The following RBSN variants were observed in gnomAD, a reference collection of about 807,000 sequenced individuals.
RBSN encodes rabenosyn, RAB effector, also known as rabenosyn-5.
Under a neutral mutation model 60.5 loss-of-function variants are expected in RBSN, and 34 were observed. The ratio of observed to expected loss-of-function variants is 0.56; its 90% CI spans 0.43 to 0.75. RBSN has a LOEUF of 0.75. RBSN is among the 30% of genes least tolerant of loss of function. RBSN has a pLI of 0.00. For synonymous variants in RBSN, 322 were observed against 366.9 expected (o/e 0.88, Z 1.40); for missense variants, 845 against 986.8 (o/e 0.86, Z 1.92).
intron 5 of RBSN, among the ~76,000 whole-genome samples, chr3:15,089,772 G>A (rs1310863940): frequency 3.3e-5 from 5 of 152,028 alleles, no homozygotes; most frequent in East Asian, 1.9e-4. Context: ...CACCACGCCC[G>A]GCTAATTTTT....
chr3:15,091,676 A>T (rs1048668772), intron 4 of RBSN, among the ~76,000 whole-genome samples: 1 of 152,252 alleles, frequency 6.6e-6, no homozygotes, highest in Non-Finnish European at 1.5e-5. Flanking sequence ...GACATCAAAG[A>T]CAGGGAAGAA....
Position 15,096,250 on chromosome 3 carries a change from G to A in RBSN, c.-130C>T, listed in dbSNP as rs944420014. Reference sequence around the variant, plus strand: ...ACAGATGGTGAGGAAGTGGCTTCATGGCCCTGGATGAGGTTTCCTCTCTGG... The same window carrying A: ...ACAGATGGTGAGGAAGTGGCTTCATAGCCCTGGATGAGGTTTCCTCTCTGG... On this transcript the variant is annotated 5_prime_UTR_variant, in exon 4 of 14. Transcript: ENST00000253699. 7.0e-6 allele frequency: 7 copies of A among 997,942 alleles called. No individual in the cohort carries two copies. The highest frequency in any genetic ancestry group is 6.8e-6 in the Non-Finnish European group (5 of 732,676). 61.8% of individuals were successfully genotyped at this position (997,942 alleles called of 1,614,324 possible). A position where few individuals can be genotyped will look rare whatever the true frequency, so the allele number is the denominator to read the frequency against.
chr3:15,091,293 T>C (rs952478053), intron 4 of RBSN: 2 of 1,000,908 alleles, frequency 2.0e-6, no homozygotes, highest in Non-Finnish European at 2.4e-6. Context: ...TCTATAGTAC[T>C]AATTCATTTA....
chr3:15,076,616 C>T (rs1055884329), intron 12 of RBSN, among the ~76,000 whole-genome samples: 9 of 152,146 alleles, frequency 5.9e-5, no homozygotes, highest in Non-Finnish European at 1.2e-4. Context: ...TCGGCTGTTT[C>T]CTCCCAGCTG....
intron 5 of RBSN, among the ~76,000 whole-genome samples, chr3:15,087,777 T>A (rs1024954109): frequency 1.3e-5 from 2 of 151,608 alleles, no homozygotes; most frequent in Non-Finnish European, 2.9e-5. Context: ...TGTGCCACCA[T>A]GCCAGGCTAA....
chr3:15,086,414 A>C (rs921904815), intron 5 of RBSN, among the ~76,000 whole-genome samples: 1 of 152,244 alleles, frequency 6.6e-6, no homozygotes, highest in African/African-American at 2.4e-5. Flanking sequence ...GAGAGACCTG[A>C]GAGTAGAGCA....
At chr3:15,081,138 T>A in intron 9 of RBSN, 1 of 201,910 alleles carries the variant, frequency 5.0e-6, no homozygotes, top group Non-Finnish European at 1.0e-5. Context: ...CTCGGCGTCC[T>A]GAGTAGCTGG....
In RBSN at chr3:15,082,381, C is replaced by A; in HGVS notation, c.826G>T (p.Val276Leu). The change falls in exon 9 of 14, where the codon GTG (valine) becomes TTG (leucine). Residue 276 changes from valine to leucine, a missense_variant. Transcript: ENST00000253699. This position sits in a 1 kb window ranked among gnomAD's most constrained non-coding sequence, Gnocchi z 4.2. ...IDEKEHTPDIVKLYEKLRLCM... is the reference protein window; with the variant it reads ...IDEKEHTPDILKLYEKLRLCM... ...GCGCGAATCACCTCGTAGAGCTTCA[C>A]GATGTCAGGTGTGTGCTCCTTCTCA... is the stretch of plus-strand genomic sequence containing the variant. 1 of 1,612,858 alleles carries A rather than the reference C, an allele frequency of 6.2e-7. No homozygotes were observed. The highest frequency in any genetic ancestry group is 2.2e-5 in the East Asian group (1 of 44,824).
chr3:15,084,929 C>G lies in RBSN; in HGVS notation c.437-33G>C, dbSNP rs2043300147. 2 of 1,612,780 alleles carry G rather than the reference C, an allele frequency of 1.2e-6. No individual in the cohort carries two copies. Among genetic ancestry groups the G allele is most frequent in the African/African-American group, 1.3e-5 (1 of 74,792 alleles). ...AAGAGCAAACCAACAAGAAAGCAGG[C>G]CATTTTAAAGAGAGCTTTGGTCAGG... is the stretch of plus-strand genomic sequence containing the variant. On this transcript the variant is annotated intron_variant, in intron 7 of 13. Coordinates refer to ENST00000253699, the MANE Select transcript of RBSN (RefSeq NM_022340.4). This position sits in a 1 kb window ranked among gnomAD's most constrained non-coding sequence, Gnocchi z 4.2.
intron 4 of RBSN, among the ~76,000 whole-genome samples, chr3:15,094,273 G>A (rs969744560): frequency 6.6e-5 from 10 of 152,152 alleles, no homozygotes; most frequent in Non-Finnish European, 2.9e-5. Flanking sequence ...TTGTCCAAAG[G>A]AAACTTACAT....
chr3:15,084,751 G>A lies in RBSN; in HGVS notation c.582C>T (p.Ile194=). 1 of 1,604,826 alleles carries A rather than the reference G, an allele frequency of 6.2e-7. No homozygotes were observed. The highest frequency in any genetic ancestry group is 8.5e-7 in the Non-Finnish European group (1 of 1,176,282). The change falls in exon 8 of 14, where the codon ATC becomes ATT. Residue 194 remains isoleucine (I), a synonymous_variant. Coordinates refer to ENST00000253699, the MANE Select transcript of RBSN (RefSeq NM_022340.4). This position sits in a 1 kb window ranked among gnomAD's most constrained non-coding sequence, Gnocchi z 4.2. ...SIMCKKCMEL[I]SLPLANKLTS... is the part of the protein sequence containing the mutation. ...GTCACCTACTTGCCAAGGGAAGGCT[G>A]ATGAGCTCCATACACTTCTTGCACA...
intron 10 of RBSN, among the ~76,000 whole-genome samples, chr3:15,078,407 G>A (rs1375005057): frequency 6.6e-6 from 1 of 152,136 alleles, no homozygotes; most frequent in Admixed American, 6.5e-5. Context: ...TAGCCCTTAT[G>A]CTCATCACCA....
chr3:15,082,412 C>A lies in RBSN; in HGVS notation c.795G>T (p.Gln265His), dbSNP rs2043226009. Residue 265 changes from glutamine (Q) to histidine (H), a missense_variant, in exon 9 of 14, where the codon CAG becomes CAT. By Grantham distance (24) the Gln-to-His change is conservative (BLOSUM62 0). Coordinates refer to ENST00000253699, the MANE Select transcript of RBSN (RefSeq NM_022340.4). This position sits in a 1 kb window ranked among gnomAD's most constrained non-coding sequence, Gnocchi z 4.2. ...CKDTLLKREQ[Q>H]IDEKEHTPDI... ...CAGGTGTGTGCTCCTTCTCATCAAT[C>A]TGCTGCTCTCTCTTGAGCAGCGTGT... 2 of 1,614,022 alleles carry A rather than the reference C, an allele frequency of 1.2e-6. No individual in the cohort carries two copies. Among genetic ancestry groups the A allele is most frequent in the Non-Finnish European group, 1.7e-6 (2 of 1,179,896 alleles).
In RBSN at chr3:15,084,838, G is replaced by A. The variant is rs755716820; in HGVS notation, c.495C>T (p.Asp165=). The A allele has an allele frequency of 5.6e-6, 9 of 1,614,068 alleles. No homozygotes were observed. The East Asian group carries it at 1.6e-4, about 28-fold the overall frequency. The stretch of plus-strand genomic sequence containing the variant: ...TCCGGATGCTGAACTTATTCCCACA[G>A]TCTGGACAGAAAGGGACATCCTGGT... ...VNDQDVPFCP[D]CGNKFSIRNR... The change falls in exon 8 of 14, where the codon GAC becomes GAT. Residue 165 remains aspartate, a synonymous_variant. Transcript: ENST00000253699. The surrounding 1 kb of genome is among the most constrained non-coding windows in gnomAD (Gnocchi z 4.2).
chr3:15,083,992 T>A (rs991523972), intron 8 of RBSN, among the ~76,000 whole-genome samples: 1 of 152,220 alleles, frequency 6.6e-6, no homozygotes, highest in Non-Finnish European at 1.5e-5. Context: ...CTTGGAAGAA[T>A]GGACAATGCC....
chr3:15,097,471 T>C (rs1406499653), intron 2 of RBSN, among the ~76,000 whole-genome samples: 1 of 152,132 alleles, frequency 6.6e-6, no homozygotes, highest in East Asian at 1.9e-4. Context: ...GCCGAGATCA[T>C]GCCATTGCAC....
rs1382692981 is a variant in RBSN at position 15,077,757 on chromosome 3, G to T, written c.998+318C>A. Among the ~76,000 whole-genome samples the T allele has an allele frequency of 2.6e-5, 4 of 152,170 alleles. No homozygotes were observed. The highest frequency in any genetic ancestry group is 9.7e-5 in the African/African-American group (4 of 41,440). On this transcript the variant is annotated intron_variant, in intron 11 of 13. Coordinates refer to ENST00000253699, the MANE Select transcript of RBSN (RefSeq NM_022340.4). This position sits in a 1 kb window ranked among gnomAD's most constrained non-coding sequence, Gnocchi z 4.4. ...ACATGATTCCTCACCTTTGACACAG[G>T]ATGTTAATCCCTACCTCACAGGGTA...
At chr3:15,088,277 A>G (rs1575102114) in intron 5 of RBSN, among the ~76,000 whole-genome samples, 1 of 152,256 alleles carries the variant, frequency 6.6e-6, no homozygotes, top group African/African-American at 2.4e-5. Flanking sequence ...TCACATGGGC[A>G]ATCATGAAAC....
rs146141673 is a variant in RBSN at position 15,073,789 on chromosome 3, G to A, written c.2348C>T (p.Thr783Ile). The change falls in exon 14 of 14, where the codon ACT becomes ATT. Residue 783 changes from threonine (T) to isoleucine (I), a missense_variant. By Grantham distance (89) the Thr-to-Ile change is moderately conservative. Coordinates refer to ENST00000253699, the MANE Select transcript of RBSN (RefSeq NM_022340.4). ...KHTLAKQKGG[T>I]D ...TGCCCTCTCCACTGCTGGTCAGTCA[G>A]TGCCCCCCTTCTGCTTGGCCAGGGT... The A allele has an allele frequency of 6.2e-7, 1 of 1,600,300 alleles. No individual in the cohort carries two copies. The highest frequency in any genetic ancestry group is 2.2e-5 in the East Asian group (1 of 44,850).
Sources: gnomAD v4.1 joint callset for allele counts (sites outside exome capture counted in the v4.1 genomes callset) on GRCh38, gnomAD v4.1.1 for gene constraint, Gnocchi (gnomAD v3.1) non-coding constraint, MANE v1.5 for transcripts, NCBI Gene and HGNC (gene_info 2026-07-23, HGNC 2026-07-21) for gene names.